Variants in ROR1 observed in about 807,000 individuals in gnomAD.
The protein encoded by ROR1 is ROR family WNT receptor 1, also known as inactive tyrosine-protein kinase transmembrane receptor ROR1.
In ROR1, 19 loss-of-function variants were observed where a neutral mutation model predicts 78.8. The observed-to-expected ratio is 0.24, with a 90% CI of 0.17 to 0.35. The LOEUF is 0.35. Among genes scored for constraint, ROR1 ranks in the 10% least tolerant of loss-of-function variants. The probability of loss-of-function intolerance (pLI) is 1.00; values close to 1 mark genes in which losing one functional copy is unlikely to be tolerated. For missense variants in ROR1, 917 were observed against 1,177.8 expected (o/e 0.78, Z 3.24); for synonymous variants, 386 against 433.6 (o/e 0.89, Z 1.36).
chr1:63,965,075 G>A (rs544561789), intron 1 of ROR1, among the ~76,000 whole-genome samples: 158 of 152,204 alleles, frequency 1.0e-3, no homozygotes, highest in African/African-American at 3.7e-3. Context: ...TTTTAAATAT[G>A]GCATGCACTT....
At position 64,094,569 on chromosome 1, in the gene ROR1, T is replaced by TTTTTG. The variant is rs147122412; in HGVS notation, c.483-42766_483-42762dup. 1,388 of 151,104 alleles carry TTTTTG rather than the reference T, an allele frequency of 9.2e-3. 16 individuals carry two copies. The highest frequency in any genetic ancestry group is 9.8e-3 in the Non-Finnish European group (667 of 68,318). 9.4% of individuals were successfully genotyped at this position (151,104 alleles called of 1,614,324 possible). Reference sequence around the variant, plus strand: ...GTGTTTGTGTGTGTGTGTTTTGTTGTTTTTGTTTTGTTTTGTTTTGTTTTG... The same window carrying TTTTTG: ...GTGTTTGTGTGTGTGTGTTTTGTTGTTTTTGTTTTGTTTTGTTTTGTTTTGTTTTG... On this transcript the variant is annotated intron_variant, in intron 4 of 8. Coordinates refer to ENST00000371079, the MANE Select transcript of ROR1 (RefSeq NM_005012.4).
intron 8 of ROR1, 42 bp downstream of exon 8, chr1:64,159,234 C>T (rs748089500): frequency 2.1e-6 from 3 of 1,424,568 alleles, no homozygotes; most frequent in Admixed American, 3.4e-5. Flanking sequence ...CCGTGGGCTT[C>T]AAGTTAAAGC....
In ROR1 at chr1:63,863,714, TTG is replaced by T. The variant is rs1166251962; in HGVS notation, c.91+89208_91+89209del. Among the ~76,000 whole-genome samples, 48 of 42,860 alleles carry T rather than the reference TTG, an allele frequency of 1.1e-3. No homozygotes were observed. In the Middle Eastern group the frequency reaches 0.037, roughly 33 times the overall value. 28.1% of individuals were successfully genotyped at this position (42,860 alleles called of 152,430 possible). On this transcript the variant is annotated intron_variant, in intron 1 of 8. Coordinates refer to ENST00000371079, the MANE Select transcript of ROR1 (RefSeq NM_005012.4). ...TCCAGCATTCAACACTGCCATTGTATTGTATTGTATTGTATTGTATTGTATTG... is the reference window on the plus strand; with the variant it reads ...TCCAGCATTCAACACTGCCATTGTATTATTGTATTGTATTGTATTGTATTG...
chr1:63,992,339 C>G (rs1444799184), intron 1 of ROR1, among the ~76,000 whole-genome samples: 3 of 152,050 alleles, frequency 2.0e-5, no homozygotes, highest in Non-Finnish European at 2.9e-5. Flanking sequence ...TCCCGAGTAG[C>G]TGGGATTACA....
intron 8 of ROR1, chr1:64,171,382 A>T (rs1650235601): frequency 6.6e-6 from 1 of 152,306 alleles, no homozygotes; most frequent in Admixed American, 6.5e-5. Context: ...CATGGGAAAG[A>T]TCTGCCCCCT....
intron 1 of ROR1, among the ~76,000 whole-genome samples, chr1:63,987,480 G>A (rs982183884): frequency 6.6e-6 from 1 of 152,108 alleles, no homozygotes; most frequent in African/African-American, 2.4e-5. Context: ...TCAATTGTGG[G>A]ATCTGGGAAT....
intron 4 of ROR1, among the ~76,000 whole-genome samples, chr1:64,136,893 C>T (rs542297004): frequency 2.0e-5 from 3 of 152,070 alleles, no homozygotes; most frequent in East Asian, 3.9e-4. Context: ...GGGCTACCCT[C>T]GGGTTTCTTT....
At chr1:64,038,597 T>G (rs780803674) in intron 2 of ROR1, among the ~76,000 whole-genome samples, 19 of 152,202 alleles carry the variant, frequency 1.2e-4, no homozygotes, top group Admixed American at 2.6e-4. Flanking sequence ...ACCTCTGGCC[T>G]GGAAAATGGG....
intron 1 of ROR1, among the ~76,000 whole-genome samples, chr1:63,806,607 G>A (rs183731577): frequency 2.5e-4 from 38 of 152,298 alleles, no homozygotes; most frequent in Admixed American, 1.3e-3. Flanking sequence ...GTGAGCCACC[G>A]CGCCTGGCCC....
intron 5 of ROR1, among the ~76,000 whole-genome samples, chr1:64,138,608 C>T (rs1165406238): frequency 6.7e-6 from 1 of 149,806 alleles, no homozygotes; most frequent in Non-Finnish European, 1.5e-5. Flanking sequence ...TGCAGTGGCG[C>T]GATCTCGGCT....
intron 1 of ROR1, among the ~76,000 whole-genome samples, chr1:63,889,590 G>C (rs1377043472): frequency 6.6e-6 from 1 of 152,144 alleles, no homozygotes. Context: ...CCCCCGGATG[G>C]CTGTTTGCTC....
At chr1:64,046,640 A>G (rs149462973) in intron 2 of ROR1, among the ~76,000 whole-genome samples, 3 of 152,328 alleles carry the variant, frequency 2.0e-5, no homozygotes, top group Non-Finnish European at 4.4e-5. Flanking sequence ...GGCTGAAGTT[A>G]GGGGAAGAGC....
intron 1 of ROR1, among the ~76,000 whole-genome samples, chr1:63,944,285 C>T (rs1645865327): frequency 1.3e-5 from 2 of 152,038 alleles, no homozygotes. Flanking sequence ...AGGAAAATCT[C>T]TTCCTTTCAG....
At chr1:63,968,426 G>A (rs950871663) in intron 1 of ROR1, among the ~76,000 whole-genome samples, 5 of 151,948 alleles carry the variant, frequency 3.3e-5, no homozygotes, top group African/African-American at 1.2e-4. Context: ...CTGGATAGTG[G>A]ATCATGAAAT....
chr1:64,071,776 T>C (rs1647005938), intron 4 of ROR1, among the ~76,000 whole-genome samples: 1 of 152,216 alleles, frequency 6.6e-6, no homozygotes, highest in East Asian at 1.9e-4. Context: ...TATTCCTCTA[T>C]AATCTTGGTC....
chr1:64,061,963 TGTGC>T (rs1451734093), intron 4 of ROR1, among the ~76,000 whole-genome samples: 4 of 152,222 alleles, frequency 2.6e-5, no homozygotes, highest in Non-Finnish European at 5.9e-5. Flanking sequence ...GCTTCTATCC[TGTGC>T]ATTCTAAACA....
intron 1 of ROR1, among the ~76,000 whole-genome samples, chr1:63,924,757 G>T (rs141623609): frequency 1.8e-3 from 270 of 152,218 alleles, no homozygotes; most frequent in Non-Finnish European, 2.6e-3. Context: ...CAAGAGAGCA[G>T]CACAGGAGGG....
intron 1 of ROR1, among the ~76,000 whole-genome samples, chr1:63,862,336 G>C (rs1645186850): frequency 6.9e-6 from 1 of 145,020 alleles, no homozygotes. Context: ...AGAGGTTGCA[G>C]TGAGCCAAGA....
chr1:63,942,599 A>C (rs145528632), intron 1 of ROR1, among the ~76,000 whole-genome samples: 1 of 152,134 alleles, frequency 6.6e-6, no homozygotes, highest in Non-Finnish European at 1.5e-5. Flanking sequence ...CTTTGGTGAA[A>C]TTTAGAAAAA....
Sources: gnomAD v4.1 joint callset for allele counts (sites outside exome capture counted in the v4.1 genomes callset) on GRCh38, gnomAD v4.1.1 for gene constraint, MANE v1.5 for transcripts, NCBI Gene and HGNC (gene_info 2026-07-23, HGNC 2026-07-21) for gene names.